The following ERGIC1 variants were observed in gnomAD, a reference collection of about 807,000 sequenced individuals.
ERGIC1 encodes the protein endoplasmic reticulum-Golgi intermediate compartment protein 1.
ERGIC1 carries 19 observed loss-of-function variants against 38.3 expected under a neutral mutation model. That is an observed-to-expected ratio of 0.50 (90% confidence interval 0.35 to 0.73). ERGIC1 has a LOEUF of 0.73. ERGIC1 is among the 30% of genes least tolerant of loss of function. ERGIC1 has a pLI of 0.01. For synonymous variants in ERGIC1, 124 were observed against 157.6 expected, an observed-to-expected ratio of 0.79 and a Z score of 1.60; for missense variants, 294 against 389.2, an observed-to-expected ratio of 0.76 and a Z score of 2.06.
At chr5:172,896,980 G>T in intron 2 of ERGIC1, 22 bp from the exon 3 acceptor site, 1 of 1,612,484 alleles carries the variant, frequency 6.2e-7, no homozygotes, top group Non-Finnish European at 8.5e-7. Context: ...TTAACAGTTT[G>T]CATTTCTGTT....
chr5:172,897,771 G>A (rs1020632345), intron 3 of ERGIC1: 19 of 413,466 alleles, frequency 4.6e-5, no homozygotes, highest in Non-Finnish European at 7.1e-5. Flanking sequence ...GCTTCCTACC[G>A]GAGGGGGCGA....
chr5:172,940,615 T>C (rs1009491593), intron 9 of ERGIC1, among the ~76,000 whole-genome samples: 5 of 151,782 alleles, frequency 3.3e-5, no homozygotes, highest in African/African-American at 1.2e-4. Context: ...ACCGGGATGG[T>C]TTTTGCCCAC....
At chr5:172,935,398 C>A in intron 9 of ERGIC1, 88 bp downstream of exon 9, 1 of 1,563,560 alleles carries the variant, frequency 6.4e-7, no homozygotes, top group South Asian at 1.1e-5. Flanking sequence ...CTCACCTGTT[C>A]TCGCTGAAAC....
chr5:172,911,776 ATTC>A (rs1193715369), intron 4 of ERGIC1, among the ~76,000 whole-genome samples: 1 of 152,180 alleles, frequency 6.6e-6, no homozygotes, highest in African/African-American at 2.4e-5. Context: ...TAAAAATAAT[ATTC>A]TTCATTATAC....
At chr5:172,923,017 C>T (rs780046557) in intron 5 of ERGIC1, among the ~76,000 whole-genome samples, 4 of 151,668 alleles carry the variant, frequency 2.6e-5, no homozygotes, top group Non-Finnish European at 4.4e-5. Context: ...GATGGGACGT[C>T]GGGAGTGAGA....
chr5:172,939,192 C>T (rs186528301), intron 9 of ERGIC1, among the ~76,000 whole-genome samples: 1 of 152,342 alleles, frequency 6.6e-6, no homozygotes, highest in East Asian at 1.9e-4. Context: ...TCAGCTGAAT[C>T]ATACGCAGTC....
intron 1 of ERGIC1, among the ~76,000 whole-genome samples, chr5:172,870,224 T>G (rs146448128): frequency 1.3e-5 from 2 of 152,326 alleles, no homozygotes; most frequent in Non-Finnish European, 2.9e-5. Flanking sequence ...TTGAAACACT[T>G]GCCATCATTT....
At chr5:172,888,411 G>T (rs1241478037) in intron 1 of ERGIC1, among the ~76,000 whole-genome samples, 1 of 151,970 alleles carries the variant, frequency 6.6e-6, no homozygotes, top group Admixed American at 6.6e-5. Flanking sequence ...AGTGAGCCAA[G>T]ATTGCACAAC....
Position 172,926,696 on chromosome 5 carries a change from C to A in ERGIC1, c.541+127C>A. ...TCCAAGGCAGGGAGGCTGCTGCTCA[C>A]ACTCCATTCCCACAGCTAACCAGTG... On this transcript the variant is annotated intron_variant, in intron 7 of 9. Coordinates refer to ENST00000393784, the MANE Select transcript of ERGIC1 (RefSeq NM_001031711.3). This position sits in a 1 kb window ranked among gnomAD's most constrained non-coding sequence, Gnocchi z 5.2. The A allele has an allele frequency of 1.0e-6, 1 of 1,000,906 alleles. No homozygotes were observed. Among genetic ancestry groups the A allele is most frequent in the Admixed American group, 2.0e-5 (1 of 50,790 alleles). The allele number at this position is 1,000,906 out of a possible 1,614,324, so 62.0% of individuals were successfully genotyped here. A position where few individuals can be genotyped will look rare whatever the true frequency, so the allele number is the denominator to read the frequency against.
Position 172,893,896 on chromosome 5 carries a change from T to C in ERGIC1, c.83-3106T>C, listed in dbSNP as rs1385934730. Among the ~76,000 whole-genome samples, 66 of 40,388 alleles carry C rather than the reference T, an allele frequency of 1.6e-3. 1 individual carries two copies. The highest frequency in any genetic ancestry group is 3.2e-3 in the Non-Finnish European group (59 of 18,468). 26.5% of individuals were successfully genotyped at this position (40,388 alleles called of 152,430 possible). ...ATATATATATATATATATATATATA[T>C]ATATATATATGTGTGTGTGTGTGTG... On this transcript the variant is annotated intron_variant, in intron 2 of 9. Transcript: ENST00000393784.
intron 9 of ERGIC1, among the ~76,000 whole-genome samples, chr5:172,947,841 G>A (rs914828850): frequency 1.3e-5 from 2 of 151,716 alleles, no homozygotes; most frequent in Admixed American, 1.3e-4. Flanking sequence ...AAGCATTTGG[G>A]TTCCAAATTG....
intron 1 of ERGIC1, among the ~76,000 whole-genome samples, chr5:172,836,215 C>T (rs1581499288): frequency 6.6e-6 from 1 of 152,126 alleles, no homozygotes; most frequent in African/African-American, 2.4e-5. Flanking sequence ...CACATGGCTC[C>T]CAACCTTGTG....
chr5:172,947,281 C>T (rs115222483), intron 9 of ERGIC1, among the ~76,000 whole-genome samples: 35 of 152,052 alleles, frequency 2.3e-4, no homozygotes, highest in Non-Finnish European at 4.3e-4. Flanking sequence ...ACCTCCTGGG[C>T]TCAAATGATC....
intron 1 of ERGIC1, among the ~76,000 whole-genome samples, chr5:172,843,140 C>T (rs1451828138): frequency 6.6e-6 from 1 of 152,070 alleles, no homozygotes; most frequent in African/African-American, 2.4e-5. Flanking sequence ...AGTGAAACTC[C>T]GTCTCAAAAA....
At chr5:172,842,592 C>T (rs792978) in intron 1 of ERGIC1, among the ~76,000 whole-genome samples, 34,664 of 151,960 alleles carry the variant, frequency 0.23, 4,403 homozygotes, top group East Asian at 0.38. Context: ...AGAAATCTTC[C>T]TCCTGTTTTC....
At chr5:172,934,626 G>A (rs372209725) in intron 8 of ERGIC1, 24 of 161,438 alleles carry the variant, frequency 1.5e-4, no homozygotes, top group East Asian at 1.4e-3. Context: ...GATGCCGCCC[G>A]GGAGAATGGG....
chr5:172,893,341 T>G (rs1762616234), intron 2 of ERGIC1, among the ~76,000 whole-genome samples: 1 of 152,068 alleles, frequency 6.6e-6, no homozygotes, highest in South Asian at 2.1e-4. Flanking sequence ...AGAGATGGGT[T>G]TTCACCGTGT....
chr5:172,915,661 A>G (rs1199995725), intron 5 of ERGIC1: 4 of 470,968 alleles, frequency 8.5e-6, no homozygotes, highest in South Asian at 6.2e-5. Context: ...GAGCCTCTCA[A>G]CAACGCTGTG....
In ERGIC1 at chr5:172,839,239, T is replaced by TA. The variant is rs1467866063; in HGVS notation, c.20+4806_20+4807insA. On this transcript the variant is annotated intron_variant, in intron 1 of 9. Transcript: ENST00000393784. Reference sequence around the variant, plus strand: ...CTGGCCAACAGAGCGAGACTCTGTCTCAAAAAAAAAAAAAAAAAAAAGTAT... The same window carrying TA: ...CTGGCCAACAGAGCGAGACTCTGTCTACAAAAAAAAAAAAAAAAAAAAGTAT... 2.0e-4 allele frequency among the ~76,000 whole-genome samples: 17 copies of TA among 84,354 alleles called. No individual in the cohort carries two copies. The East Asian group carries it at 6.3e-3, about 31-fold the overall frequency. 55.3% of individuals were successfully genotyped at this position (84,354 alleles called of 152,430 possible). A position where few individuals can be genotyped will look rare whatever the true frequency, so the allele number is the denominator to read the frequency against.
Sources: gnomAD v4.1 joint callset for allele counts (sites outside exome capture counted in the v4.1 genomes callset) on GRCh38, gnomAD v4.1.1 for gene constraint, Gnocchi (gnomAD v3.1) non-coding constraint, MANE v1.5 for transcripts, NCBI Gene and HGNC (gene_info 2026-07-23, HGNC 2026-07-21) for gene names.